CREBBP: variants seen among roughly 807,000 people sequenced by gnomAD.
CREBBP encodes CREB-binding protein.
Under a neutral mutation model 265.0 loss-of-function variants are expected in CREBBP, and 19 were observed. The ratio of observed to expected loss-of-function variants is 0.07; its 90% confidence interval spans 0.05 to 0.11. The LOEUF (loss-of-function observed/expected upper bound fraction) is 0.11. CREBBP is among the 10% of genes least tolerant of loss of function. CREBBP has a pLI of 1.00. For synonymous variants in CREBBP, 1,457 were observed against 1,223.7 expected, an observed-to-expected ratio of 1.19 and a Z score of -3.98; for missense variants, 2,525 against 3,219.0, an observed-to-expected ratio of 0.78 and a Z score of 5.22.
chr16:3,850,654 G>C lies in CREBBP; in HGVS notation c.441C>G (p.Ala147=). Residue 147 remains alanine (A), a synonymous_variant, in exon 2 of 31, where the codon GCC becomes GCG. Transcript: ENST00000262367. ...GTGCTTGCGGATTCAGTGCTTGGGA[G>C]GCAGCGGGGGTGGGCCCAGAGGTGC... ...AASTSGPTPA[A]SQALNPQAQK... The C allele has an allele frequency of 3.1e-6, 5 of 1,614,226 alleles. No homozygotes were observed. The highest frequency in any genetic ancestry group is 4.2e-6 in the Non-Finnish European group (5 of 1,180,046).
intron 13 of CREBBP, among the ~76,000 whole-genome samples, chr16:3,772,322 AACACAAAC>A (rs1283225848): frequency 7.6e-5 from 8 of 104,642 alleles, no homozygotes; most frequent in Non-Finnish European, 1.6e-4. Flanking sequence ...TTCTCTCTGA[AACACAAAC>A]ACACACACAC....
At position 3,727,635 on chromosome 16, in the gene CREBBP, G is replaced by A. The variant is rs1440221736; in HGVS notation, c.*83C>T. 3 of 1,611,500 alleles carry A rather than the reference G, an allele frequency of 1.9e-6. No individual in the cohort carries two copies. The highest frequency in any genetic ancestry group is 3.3e-5 in the Admixed American group (2 of 59,822). ...GGCTCGGAAGTCGCAGTTCCATCTA[G>A]GAATAAAAAGAACCTAGATGCCTGG... is the stretch of plus-strand genomic sequence containing the variant. On this transcript the variant is annotated 3_prime_UTR_variant, in exon 31 of 31. Coordinates refer to ENST00000262367, the MANE Select transcript of CREBBP (RefSeq NM_004380.3).
intron 16 of CREBBP, among the ~76,000 whole-genome samples, chr16:3,762,037 T>G (rs1378333166): frequency 6.6e-6 from 1 of 152,236 alleles, no homozygotes; most frequent in East Asian, 1.9e-4. Flanking sequence ...TTTCATGACA[T>G]GTGAAAATCA....
rs745338438 is a variant in CREBBP at position 3,731,399 on chromosome 16, C to T, written c.4965G>A (p.Leu1655=). ...GCCCATCCATGAGGTCACAGCTGAGCAGGGGGTCGGGGTCGACGATGGGGG... is the reference window on the plus strand; with the variant it reads ...GCCCATCCATGAGGTCACAGCTGAGTAGGGGGTCGGGGTCGACGATGGGGG... ...TLPPIVDPDP[L]LSCDLMDGRD... is the part of the protein sequence containing the mutation. Residue 1655 remains leucine (L), a synonymous_variant, in exon 30 of 31, where the codon CTG becomes CTA. Coordinates refer to ENST00000262367, the MANE Select transcript of CREBBP (RefSeq NM_004380.3). The surrounding 1 kb of genome is among the most constrained non-coding windows in gnomAD (Gnocchi z 7.7). 4 of 1,610,204 alleles carry T rather than the reference C, an allele frequency of 2.5e-6. No individual in the cohort carries two copies. The South Asian group carries it at 4.4e-5, about 18-fold the overall frequency.
At chr16:3,826,766 G>A (rs1043731081) in intron 2 of CREBBP, among the ~76,000 whole-genome samples, 1 of 152,114 alleles carries the variant, frequency 6.6e-6, no homozygotes, top group Non-Finnish European at 1.5e-5. Flanking sequence ...AAAAGTAATG[G>A]GGTATCATGG....
chr16:3,740,294 G>T, intron 24 of CREBBP, 105 bp downstream of exon 24: 1 of 1,431,618 alleles, frequency 7.0e-7, no homozygotes, highest in Non-Finnish European at 9.8e-7. Flanking sequence ...CTGCTGCAAA[G>T]TCTTGGAAGG....
intron 1 of CREBBP, among the ~76,000 whole-genome samples, chr16:3,862,180 G>A (rs2055090397): frequency 6.6e-6 from 1 of 152,190 alleles, no homozygotes; most frequent in Non-Finnish European, 1.5e-5. Flanking sequence ...AGTGGAATAA[G>A]GCAGTGAACA....
At chr16:3,772,008 C>T (rs2053022665) in intron 13 of CREBBP, among the ~76,000 whole-genome samples, 1 of 151,632 alleles carries the variant, frequency 6.6e-6, no homozygotes, top group Admixed American at 6.6e-5. Context: ...TGTTTATTCC[C>T]AGAATTTCCC....
chr16:3,827,479 C>G (rs1318549941), intron 2 of CREBBP, among the ~76,000 whole-genome samples: 1 of 152,094 alleles, frequency 6.6e-6, no homozygotes, highest in African/African-American at 2.4e-5. Context: ...GCAACCTCCC[C>G]CTTCCAGGTT....
At position 3,778,138 on chromosome 16, in the gene CREBBP, T is replaced by C. The variant is rs1237334824; in HGVS notation, c.1986A>G (p.Gln662=). The stretch of plus-strand genomic sequence containing the variant: ...ACCTCCGTTTTTCTTCTAGTTCTTT[T>C]TGTATCTTGTAGATTTTCTCTGCTA... The part of the protein sequence containing the change: ...HLLAEKIYKI[Q]KELEEKRRSR... Residue 662 remains glutamine (Q), a synonymous_variant, in exon 10 of 31, where the codon CAA becomes CAG. Transcript: ENST00000262367. 3 of 1,613,116 alleles carry C rather than the reference T, an allele frequency of 1.9e-6. No homozygotes were observed. The Admixed American group carries it at 5.0e-5, about 27-fold the overall frequency.
intron 2 of CREBBP, 33 bp downstream of exon 2, chr16:3,850,264 T>C (rs776600048): frequency 7.5e-6 from 12 of 1,610,568 alleles, no homozygotes; most frequent in Non-Finnish European, 1.0e-5. Context: ...CGCGGTTAGG[T>C]AGGAAGTATT....
chr16:3,751,005 T>C (rs2151372003), intron 20 of CREBBP, among the ~76,000 whole-genome samples: 1 of 152,080 alleles, frequency 6.6e-6, no homozygotes, highest in African/African-American at 2.4e-5. Context: ...GGAGGACTGC[T>C]TGAGGCAAGA....
At chr16:3,783,886 C>G (rs1318922865) in intron 5 of CREBBP, among the ~76,000 whole-genome samples, 1 of 152,226 alleles carries the variant, frequency 6.6e-6, no homozygotes, top group Non-Finnish European at 1.5e-5. Flanking sequence ...CTTGCATCAA[C>G]TTGGACATTT....
rs1021349750 is a variant in CREBBP, at chr16:3,880,238, C to G, written c.-322G>C. The stretch of plus-strand genomic sequence containing the variant: ...GGCGCCCCGGCGGCCCGGCCGCCCC[C>G]CCGGGCCCGGCTGGCAGCGACGGCG... On this transcript the variant is annotated 5_prime_UTR_variant, in exon 1 of 31. Coordinates refer to ENST00000262367, the MANE Select transcript of CREBBP (RefSeq NM_004380.3). 7.0e-6 allele frequency: 1 copy of G among 141,954 alleles called. No homozygotes were observed. The highest frequency in any genetic ancestry group is 6.9e-5 in the Admixed American group (1 of 14,454). The allele number at this position is 141,954 out of a possible 1,614,324, so 8.8% of individuals were successfully genotyped here. A position where few individuals can be genotyped will look rare whatever the true frequency, so the allele number is the denominator to read the frequency against.
intron 7 of CREBBP, 122 bp from the exon 8 acceptor site, chr16:3,781,000 T>C (rs958601841): frequency 5.1e-6 from 6 of 1,181,846 alleles, no homozygotes; most frequent in Admixed American, 2.0e-5. Context: ...AGCCAAGTGA[T>C]GTAAATAAAT....
At chr16:3,749,512 T>G in intron 21 of CREBBP, 115 bp downstream of exon 21, 1 of 708,130 alleles carries the variant, frequency 1.4e-6, no homozygotes, top group Non-Finnish European at 2.5e-6. Flanking sequence ...ACACCAGAAA[T>G]TCCACTTACG....
intron 1 of CREBBP, among the ~76,000 whole-genome samples, chr16:3,863,370 A>G (rs776771951): frequency 5.9e-5 from 9 of 152,180 alleles, no homozygotes; most frequent in Non-Finnish European, 1.3e-4. Context: ...TAGGAAGCCC[A>G]GGCAGGAAGA....
intron 5 of CREBBP, among the ~76,000 whole-genome samples, chr16:3,783,545 A>T (rs1045194543): frequency 1.3e-5 from 2 of 152,280 alleles, no homozygotes; most frequent in African/African-American, 4.8e-5. Context: ...GCAGAGCACC[A>T]TGCTGAGCTC....
At position 3,728,417 on chromosome 16, in the gene CREBBP, C is replaced by T. The variant is rs1444680119; in HGVS notation, c.6630G>A (p.Gln2210=). 6.2e-7 allele frequency: 1 copy of T among 1,613,242 alleles called. No homozygotes were observed. Among genetic ancestry groups the T allele is most frequent in the Non-Finnish European group, 8.5e-7 (1 of 1,179,532 alleles). ...QQQQQQQQQQ[Q]QQQQQQGSAG... Reference sequence around the variant, plus strand: ...CACTCCCTTGCTGCTGCTGCTGTTGCTGCTGTTGTTGCTGCTGCTGTTGCT... The same window carrying T: ...CACTCCCTTGCTGCTGCTGCTGTTGTTGCTGTTGTTGCTGCTGCTGTTGCT... The change falls in exon 31 of 31, where the codon CAG becomes CAA. Residue 2210 remains glutamine (Q), a synonymous_variant. Transcript: ENST00000262367. This position sits in a 1 kb window ranked among gnomAD's most constrained non-coding sequence, Gnocchi z 8.7.
Sources: gnomAD v4.1 joint callset for allele counts (sites outside exome capture counted in the v4.1 genomes callset) on GRCh38, gnomAD v4.1.1 for gene constraint, Gnocchi (gnomAD v3.1) non-coding constraint, MANE v1.5 for transcripts, NCBI Gene and HGNC (gene_info 2026-07-23, HGNC 2026-07-21) for gene names.